Variants in MAP4K3 observed in about 807,000 individuals in gnomAD.
The protein encoded by MAP4K3 is mitogen-activated protein kinase kinase kinase kinase 3.
Under a neutral mutation model 143.5 loss-of-function variants are expected in MAP4K3, and 94 were observed. The observed-to-expected ratio is 0.65, with a 90% CI of 0.55 to 0.78. The LOEUF is 0.78. MAP4K3 is among the 30% of genes least tolerant of loss of function. The pLI is 0.00. For missense variants in MAP4K3, 1,077 were observed against 1,068.1 expected, an observed-to-expected ratio of 1.01 and a Z score of -0.12; for synonymous variants, 416 against 347.2, an observed-to-expected ratio of 1.20 and a Z score of -2.20.
rs529031306 is a variant in MAP4K3, at chr2:39,278,220, C to A, written c.1794+187G>T. Among the ~76,000 whole-genome samples, 414 of 151,310 alleles carry A rather than the reference C, an allele frequency of 2.7e-3. 5 individuals are homozygous for A. Among genetic ancestry groups the A allele is most frequent in the African/African-American group, 9.3e-3 (384 of 41,200 alleles). On this transcript the variant is annotated intron_variant, in intron 24 of 33. Coordinates refer to ENST00000263881, the MANE Select transcript of MAP4K3 (RefSeq NM_003618.4). ...TTGCTTGAAACTGGTTGCAGTGAGC[C>A]GAGATCACACCACTGCACTGCAGCC...
intron 2 of MAP4K3, among the ~76,000 whole-genome samples, chr2:39,360,445 T>C (rs1665734941): frequency 6.6e-6 from 1 of 152,210 alleles, no homozygotes; most frequent in Non-Finnish European, 1.5e-5. Context: ...TTCCACATTT[T>C]CTTTTCTTCT....
At chr2:39,435,461 C>T (rs924628105) in intron 1 of MAP4K3, among the ~76,000 whole-genome samples, 2 of 152,112 alleles carry the variant, frequency 1.3e-5, no homozygotes, top group African/African-American at 2.4e-5. Flanking sequence ...CCCTATCTGG[C>T]GTAATCCCCT....
At chr2:39,259,741 AT>A (rs1260604772) in intron 29 of MAP4K3, among the ~76,000 whole-genome samples, 16 of 152,026 alleles carry the variant, frequency 1.1e-4, no homozygotes, top group Non-Finnish European at 1.9e-4. Context: ...TATTAAAAAT[AT>A]TTGAGTCTAT....
intron 3 of MAP4K3, among the ~76,000 whole-genome samples, chr2:39,343,911 C>G (rs949889642): frequency 2.0e-5 from 3 of 152,194 alleles, no homozygotes; most frequent in African/African-American, 7.2e-5. Context: ...TTATCACTCA[C>G]TTCTCTTTAG....
At chr2:39,309,652 G>C in intron 13 of MAP4K3, 133 bp from the exon 14 acceptor site, 1 of 529,384 alleles carries the variant, frequency 1.9e-6, no homozygotes, top group Middle Eastern at 5.4e-4. Flanking sequence ...CCACCCCCTG[G>C]GTTCCCACCA....
At chr2:39,287,100 T>A (rs1257567380) in intron 20 of MAP4K3, 136 bp from the exon 21 acceptor site, 1 of 534,032 alleles carries the variant, frequency 1.9e-6, no homozygotes, top group Non-Finnish European at 3.3e-6. Flanking sequence ...ATCAGAATAT[T>A]TACTATGAAA....
At chr2:39,264,985 C>T (rs994812576) in intron 28 of MAP4K3, among the ~76,000 whole-genome samples, 1 of 152,104 alleles carries the variant, frequency 6.6e-6, no homozygotes, top group Non-Finnish European at 1.5e-5. Context: ...TTTCCAGCTC[C>T]CCACCGCCAT....
intron 2 of MAP4K3, among the ~76,000 whole-genome samples, chr2:39,377,367 G>T (rs948859887): frequency 6.6e-6 from 1 of 152,048 alleles, no homozygotes; most frequent in Admixed American, 6.6e-5. Context: ...ACTCGGTCTA[G>T]ACACTAGCAC....
At chr2:39,304,138 T>C (rs1682608708) in intron 15 of MAP4K3, among the ~76,000 whole-genome samples, 1 of 127,874 alleles carries the variant, frequency 7.8e-6, no homozygotes, top group South Asian at 2.7e-4. Context: ...CTTCATATAT[T>C]AATTATCTGA....
At chr2:39,260,573 A>AC in intron 29 of MAP4K3, 33 bp downstream of exon 29, 1 of 1,589,284 alleles carries the variant, frequency 6.3e-7, no homozygotes, top group African/African-American at 1.3e-5. Flanking sequence ...CAGTATATGT[A>AC]TTACCCTTAA....
At chr2:39,257,689 C>G (rs1439455204) in intron 31 of MAP4K3, among the ~76,000 whole-genome samples, 1 of 150,510 alleles carries the variant, frequency 6.6e-6, no homozygotes, top group Admixed American at 6.6e-5. Context: ...ATCCCAGCTA[C>G]TCGGGAGACT....
At position 39,318,496 on chromosome 2, in the gene MAP4K3, A is replaced by G. The variant is rs116383117; in HGVS notation, c.919-3108T>C. 6.4e-3 allele frequency among the ~76,000 whole-genome samples: 977 copies of G among 152,268 alleles called. 11 individuals carry two copies. The highest frequency in any genetic ancestry group is 0.023 in the African/African-American group (937 of 41,560). ...TGTAGCCTTTAATTTCTAAACATAA[A>G]TACTCTCATTTTTCCTCTATAAATG... On this transcript the variant is annotated intron_variant, in intron 12 of 33. Transcript: ENST00000263881.
chr2:39,258,775 C>T (rs1329933040), intron 29 of MAP4K3, among the ~76,000 whole-genome samples, 188 bp from the exon 30 acceptor site: 1 of 152,220 alleles, frequency 6.6e-6, no homozygotes, highest in Admixed American at 6.5e-5. Context: ...CGTAAGTGCT[C>T]AACAGAGCAT....
intron 2 of MAP4K3, among the ~76,000 whole-genome samples, chr2:39,361,791 CTGTT>C (rs1665778779): frequency 6.6e-6 from 1 of 151,260 alleles, no homozygotes; most frequent in Non-Finnish European, 1.5e-5. Context: ...TGTTAAATAG[CTGTT>C]TGATACTGCA....
chr2:39,249,441 T>A lies in MAP4K3; in HGVS notation c.*1177A>T, dbSNP rs541011588. On this transcript the variant is annotated 3_prime_UTR_variant, in exon 34 of 34. Transcript: ENST00000263881. ...AACATATACCAAAAAGAGCCAAAAGTGTGCATTTTGCTAAAACCTGGTATA... is the reference window on the plus strand; with the variant it reads ...AACATATACCAAAAAGAGCCAAAAGAGTGCATTTTGCTAAAACCTGGTATA... 8 of 152,594 alleles carry A rather than the reference T, an allele frequency of 5.2e-5. No homozygotes were observed. Among genetic ancestry groups the A allele is most frequent in the Admixed American group, 2.6e-4 (4 of 15,286 alleles). 9.5% of individuals were successfully genotyped at this position (152,594 alleles called of 1,614,324 possible).
intron 21 of MAP4K3, among the ~76,000 whole-genome samples, 161 bp downstream of exon 21, chr2:39,286,691 T>C (rs957342919): frequency 1.3e-5 from 2 of 152,172 alleles, no homozygotes; most frequent in Non-Finnish European, 2.9e-5. Context: ...TTTTTCAAGA[T>C]TTAAATAATC....
chr2:39,342,331 T>C (rs1350183230), intron 4 of MAP4K3, among the ~76,000 whole-genome samples: 2 of 152,016 alleles, frequency 1.3e-5, no homozygotes, highest in African/African-American at 2.4e-5. Flanking sequence ...GGTTTCACCA[T>C]GTTGGCCAGG....
intron 26 of MAP4K3, among the ~76,000 whole-genome samples, chr2:39,270,599 G>C (rs1467224488): frequency 6.6e-6 from 1 of 152,168 alleles, no homozygotes; most frequent in Non-Finnish European, 1.5e-5. Flanking sequence ...AATATACGTG[G>C]AGAGGCTGTA....
At chr2:39,375,319 C>G (rs1026162272) in intron 2 of MAP4K3, among the ~76,000 whole-genome samples, 2 of 152,148 alleles carry the variant, frequency 1.3e-5, no homozygotes, top group Middle Eastern at 3.4e-3. Flanking sequence ...TGAAGTAGTT[C>G]CCTCCTCCAT....
Sources: allele counts gnomAD v4.1 joint callset (sites outside exome capture counted in the v4.1 genomes callset), GRCh38; gene constraint gnomAD v4.1.1; transcripts MANE v1.5; gene names NCBI Gene and HGNC (gene_info 2026-07-23, HGNC 2026-07-21).